GKAP1: variants seen among roughly 807,000 people sequenced by gnomAD.
GKAP1 encodes the protein G kinase-anchoring protein 1.
GKAP1 carries 31 observed loss-of-function variants against 56.7 expected under a neutral mutation model. The ratio of observed to expected loss-of-function variants is 0.55; its 90% CI spans 0.41 to 0.74. The LOEUF (loss-of-function observed/expected upper bound fraction) is 0.74. Among genes scored for constraint, GKAP1 ranks in the 30% least tolerant of loss-of-function variants. The pLI is 0.00. For synonymous variants in GKAP1, 151 were observed against 138.6 expected, an observed-to-expected ratio of 1.09 and a Z score of -0.63; for missense variants, 364 against 402.3, an observed-to-expected ratio of 0.90 and a Z score of 0.82.
chr9:83,806,649 A>C, intron 2 of GKAP1, 89 bp from the exon 3 acceptor site: 1 of 718,660 alleles, frequency 1.4e-6, no homozygotes, highest in Non-Finnish European at 2.3e-6. Flanking sequence ...TAGATAAAAT[A>C]AATTTCTTCT....
chr9:83,782,660 CTTTTTTT>C (rs772629569), intron 6 of GKAP1, among the ~76,000 whole-genome samples: 10 of 117,440 alleles, frequency 8.5e-5, no homozygotes, highest in Non-Finnish European at 1.4e-4. Context: ...CGCGCCCAGC[CTTTTTTT>C]TTTTTTTTTT....
chr9:83,812,236 C>CACAT (rs1944516150), intron 2 of GKAP1, among the ~76,000 whole-genome samples: 2 of 147,622 alleles, frequency 1.4e-5, no homozygotes, highest in African/African-American at 2.5e-5. Flanking sequence ...CACATGTATA[C>CACAT]ATATATACGT....
At chr9:83,745,765 T>C (rs2131228397) in intron 10 of GKAP1, among the ~76,000 whole-genome samples, 1 of 152,146 alleles carries the variant, frequency 6.6e-6, no homozygotes, top group Non-Finnish European at 1.5e-5. Context: ...GATGTAGACA[T>C]CTAAATGTCC....
At chr9:83,759,131 C>A (rs1397882733) in intron 8 of GKAP1, among the ~76,000 whole-genome samples, 1 of 152,200 alleles carries the variant, frequency 6.6e-6, no homozygotes, top group Non-Finnish European at 1.5e-5. Flanking sequence ...AGCCCCTCCC[C>A]AATCATACCC....
chr9:83,775,174 G>GT (rs1266606380), intron 7 of GKAP1, among the ~76,000 whole-genome samples: 1 of 151,966 alleles, frequency 6.6e-6, no homozygotes, highest in Non-Finnish European at 1.5e-5. Context: ...TGCTAATTTT[G>GT]TTTATGAAAA....
At chr9:83,800,043 C>T (rs1179086068) in intron 3 of GKAP1, among the ~76,000 whole-genome samples, 3 of 152,024 alleles carry the variant, frequency 2.0e-5, no homozygotes, top group Admixed American at 6.6e-5. Flanking sequence ...AGTGAGAGAT[C>T]GCCTAAGCAA....
chr9:83,800,364 T>C (rs1944312855), intron 3 of GKAP1, among the ~76,000 whole-genome samples: 1 of 137,036 alleles, frequency 7.3e-6, no homozygotes, highest in Non-Finnish European at 1.5e-5. Context: ...TTTGGCAGAG[T>C]CTCGCTCTGT....
At chr9:83,816,301 T>G (rs1307586478) in intron 2 of GKAP1, among the ~76,000 whole-genome samples, 3 of 152,122 alleles carry the variant, frequency 2.0e-5, no homozygotes, top group Non-Finnish European at 4.4e-5. Flanking sequence ...TGCCCCAAAC[T>G]CCATTTTTTT....
chr9:83,798,184 T>G (rs1008965164), intron 4 of GKAP1, among the ~76,000 whole-genome samples: 3 of 152,216 alleles, frequency 2.0e-5, no homozygotes, highest in East Asian at 1.9e-4. Context: ...CCAAGAATGA[T>G]AGAAACAGCC....
intron 9 of GKAP1, among the ~76,000 whole-genome samples, chr9:83,749,425 C>A (rs983208201): frequency 6.6e-6 from 1 of 152,020 alleles, no homozygotes; most frequent in African/African-American, 2.4e-5. Context: ...TGGGGTTTTA[C>A]CACGTTGGCC....
intron 3 of GKAP1, among the ~76,000 whole-genome samples, chr9:83,805,469 A>T (rs1469910059): frequency 1.6e-5 from 2 of 128,084 alleles, no homozygotes; most frequent in East Asian, 2.2e-4. Flanking sequence ...TCAATAAAAA[A>T]AATAAAAAAT....
intron 4 of GKAP1, among the ~76,000 whole-genome samples, chr9:83,798,368 C>T (rs370229547): frequency 5.3e-4 from 81 of 152,202 alleles, no homozygotes; most frequent in African/African-American, 1.9e-3. Context: ...GATATGTATT[C>T]GTCTTAATGA....
intron 8 of GKAP1, 132 bp from the exon 9 acceptor site, chr9:83,753,491 A>G: frequency 3.0e-6 from 2 of 656,078 alleles, no homozygotes; most frequent in East Asian, 2.7e-5. Context: ...GCTGTTGACT[A>G]CATTTCTACT....
At position 83,813,486 on chromosome 9, in the gene GKAP1, T is replaced by G. The variant is rs376913091; in HGVS notation, c.-44+3510A>C. On this transcript the variant is annotated intron_variant, in intron 2 of 12. Coordinates refer to ENST00000376371, the MANE Select transcript of GKAP1 (RefSeq NM_025211.4). ...TAATTTCAAGGATATCTGGGCTCAG[T>G]GGTGCACACCTGTAATTTCAGCAAC... is the stretch of plus-strand genomic sequence containing the variant. 3.5e-4 allele frequency among the ~76,000 whole-genome samples: 54 copies of G among 152,338 alleles called. 3 individuals carry two copies. In the South Asian group the frequency reaches 0.011, roughly 30 times the overall value.
chr9:83,752,208 C>T (rs1457452796), intron 9 of GKAP1, among the ~76,000 whole-genome samples: 1 of 152,112 alleles, frequency 6.6e-6, no homozygotes, highest in Non-Finnish European at 1.5e-5. Flanking sequence ...TCGAGACCAG[C>T]CTGGTCAACA....
rs145631053 is a variant in GKAP1, at chr9:83,741,959, T to C, written c.1046A>G (p.Lys349Arg). ...KVKVLQAELA[K>R]YQGGRKGKRN... is the part of the protein sequence containing the mutation. ...TAAATTATAAAAGCATACCTGGTAT[T>C]TGGCTAACTCTGCTTGTAATACTTT... Residue 349 changes from lysine to arginine, a missense_variant, in exon 12 of 13, where the codon AAA becomes AGA. Physicochemically the swap from Lys to Arg is conservative, Grantham distance 26. Transcript: ENST00000376371. 2.0e-5 allele frequency: 32 copies of C among 1,577,258 alleles called. No individual in the cohort carries two copies. The highest frequency in any genetic ancestry group is 2.6e-5 in the Non-Finnish European group (30 of 1,155,146).
chr9:83,803,486 C>A (rs1023446897), intron 3 of GKAP1, among the ~76,000 whole-genome samples: 1 of 152,230 alleles, frequency 6.6e-6, no homozygotes, highest in Non-Finnish European at 1.5e-5. Context: ...AGCTCCTAGC[C>A]GCGAGTGATC....
At chr9:83,766,658 T>C (rs768621359) in intron 8 of GKAP1, among the ~76,000 whole-genome samples, 6 of 152,118 alleles carry the variant, frequency 3.9e-5, no homozygotes, top group Non-Finnish European at 7.4e-5. Flanking sequence ...ATAACATCCA[T>C]TGAAGAGAAG....
rs753272342 is a variant in GKAP1 at position 83,753,300 on chromosome 9, A to G, written c.798T>C (p.Asp266=). The change falls in exon 9 of 13, where the codon GAT becomes GAC. Residue 266 remains aspartate (D), a synonymous_variant. Coordinates refer to ENST00000376371, the MANE Select transcript of GKAP1 (RefSeq NM_025211.4). The part of the protein sequence containing the change: ...ERLKLELERK[D]AEIQKLKNVI... ...CATTTTTCAGCTTCTGGATTTCAGC[A>G]TCTTTCCTTTCAAGCTCTAACTTTA... 2 of 1,611,650 alleles carry G rather than the reference A, an allele frequency of 1.2e-6. No homozygotes were observed. Among genetic ancestry groups the G allele is most frequent in the Non-Finnish European group, 1.7e-6 (2 of 1,178,286 alleles).
Sources: allele counts gnomAD v4.1 joint callset (sites outside exome capture counted in the v4.1 genomes callset), GRCh38; gene constraint gnomAD v4.1.1; transcripts MANE v1.5; gene names NCBI Gene and HGNC (gene_info 2026-07-23, HGNC 2026-07-21).